The following ROBO2 variants were observed in gnomAD, a reference collection of about 807,000 sequenced individuals.
ROBO2 encodes the protein roundabout homolog 2.
ROBO2 carries 53 observed loss-of-function variants against 160.8 expected under a neutral mutation model. That is an observed-to-expected ratio of 0.33 (90% CI 0.26 to 0.41). ROBO2 has a LOEUF of 0.41. Among genes scored for constraint, ROBO2 ranks in the 10% least tolerant of loss-of-function variants. The pLI is 1.00. For missense variants in ROBO2, 1,577 were observed against 1,722.4 expected (o/e 0.92, Z 1.49); for synonymous variants, 664 against 611.7 (o/e 1.09, Z -1.26).
chr3:76,076,976 CA>C (rs1281987517), intron 2 of ROBO2, among the ~76,000 whole-genome samples: 3 of 152,120 alleles, frequency 2.0e-5, no homozygotes, highest in Non-Finnish European at 4.4e-5. Context: ...GAGTATTGGC[CA>C]GTATTTTTCT....
chr3:76,367,286 A>T (rs899080000), intron 2 of ROBO2, among the ~76,000 whole-genome samples: 1 of 152,034 alleles, frequency 6.6e-6, no homozygotes, highest in Admixed American at 6.6e-5. Context: ...CTATTGAGAG[A>T]TGTTTACAAA....
chr3:76,701,357 G>C (rs889037797), intron 2 of ROBO2, among the ~76,000 whole-genome samples: 1 of 152,048 alleles, frequency 6.6e-6, no homozygotes, highest in African/African-American at 2.4e-5. Context: ...GCTTTTCAAA[G>C]TTAAGTATAT....
At chr3:76,997,717 T>C (rs1267355115) in intron 2 of ROBO2, among the ~76,000 whole-genome samples, 2 of 152,318 alleles carry the variant, frequency 1.3e-5, no homozygotes, top group African/African-American at 4.8e-5. Flanking sequence ...GTATCCTCAC[T>C]GGGCATATCA....
intron 2 of ROBO2, among the ~76,000 whole-genome samples, chr3:76,957,465 A>T (rs2079352319): frequency 6.6e-6 from 1 of 152,114 alleles, no homozygotes; most frequent in Non-Finnish European, 1.5e-5. Context: ...CTTCACAAAC[A>T]TTCAATAGTA....
chr3:76,853,580 G>T (rs897149835), intron 2 of ROBO2, among the ~76,000 whole-genome samples: 1 of 152,046 alleles, frequency 6.6e-6, no homozygotes, highest in Non-Finnish European at 1.5e-5. Context: ...ACTTTTGGGT[G>T]GAGATAACCT....
intron 1 of ROBO2, among the ~76,000 whole-genome samples, chr3:77,074,500 A>G (rs559202279): frequency 3.9e-5 from 6 of 152,312 alleles, no homozygotes; most frequent in Non-Finnish European, 8.8e-5. Flanking sequence ...TTTCTAACAC[A>G]TTAGGGAATC....
intron 1 of ROBO2, among the ~76,000 whole-genome samples, chr3:77,063,757 C>T (rs1012436431): frequency 2.0e-5 from 3 of 152,152 alleles, no homozygotes; most frequent in East Asian, 3.8e-4. Context: ...TTTAATTCAG[C>T]TCTTCTTTCT....
In ROBO2 at chr3:76,122,406, G is replaced by A. The variant is rs1903733; in HGVS notation, c.109+184804G>A. Among the ~76,000 whole-genome samples the A allele has an allele frequency of 1.6e-3, 241 of 152,112 alleles. 1 individual carries two copies. Among genetic ancestry groups the A allele is most frequent in the African/African-American group, 4.5e-3 (187 of 41,542 alleles). ...TCTTGATATTTTTCAGTCTTGAATA[G>A]GATTTTTCTGTGACTCAAGGAGAGA... On this transcript the variant is annotated intron_variant, in intron 2 of 26. Transcript: ENST00000487694.
chr3:76,111,486 G>A (rs753176858), intron 2 of ROBO2, among the ~76,000 whole-genome samples: 10 of 151,932 alleles, frequency 6.6e-5, no homozygotes, highest in Admixed American at 1.3e-4. Flanking sequence ...AAATGAAGAC[G>A]CCTGGCATTG....
At chr3:77,365,829 T>C (rs2153472734) in intron 2 of ROBO2, among the ~76,000 whole-genome samples, 1 of 142,056 alleles carries the variant, frequency 7.0e-6, no homozygotes, top group East Asian at 2.4e-4. Context: ...GAAATGCAGA[T>C]GTGAATGGAA....
At position 76,046,946 on chromosome 3, in the gene ROBO2, T is replaced by C. The variant is rs545069011; in HGVS notation, c.109+109344T>C. ...AGTATCCATTTGTTCATTGACCACATTTCTGACACCATCTTGCTTCCCTAT... is the reference window on the plus strand; with the variant it reads ...AGTATCCATTTGTTCATTGACCACACTTCTGACACCATCTTGCTTCCCTAT... On this transcript the variant is annotated intron_variant, in intron 2 of 26. Transcript: ENST00000487694. 2.0e-5 allele frequency among the ~76,000 whole-genome samples: 3 copies of C among 152,324 alleles called. No individual in the cohort carries two copies. In the East Asian group the frequency reaches 5.8e-4, roughly 29 times the overall value.
chr3:76,574,530 T>C (rs534573355), intron 2 of ROBO2, among the ~76,000 whole-genome samples: 2 of 152,260 alleles, frequency 1.3e-5, no homozygotes, highest in African/African-American at 4.8e-5. Flanking sequence ...TTAATATTGA[T>C]TGCCAAGAAC....
chr3:76,457,647 C>G (rs1577334259), intron 2 of ROBO2, among the ~76,000 whole-genome samples: 1 of 152,208 alleles, frequency 6.6e-6, no homozygotes, highest in African/African-American at 2.4e-5. Context: ...CCCACATTTC[C>G]CTTCCACACT....
At chr3:76,705,272 C>A (rs1002151059) in intron 2 of ROBO2, among the ~76,000 whole-genome samples, 2 of 151,958 alleles carry the variant, frequency 1.3e-5, no homozygotes, top group Non-Finnish European at 2.9e-5. Context: ...ACAATATATC[C>A]CAGTTGCCTA....
At chr3:76,886,397 T>TAA (rs113249255) in intron 2 of ROBO2, among the ~76,000 whole-genome samples, 6,392 of 145,774 alleles carry the variant, frequency 0.044, 201 homozygotes, top group South Asian at 0.16. Context: ...CCTTTTAACT[T>TAA]AAAAAAAAAA....
At chr3:77,445,891 G>A (rs983268446) in intron 2 of ROBO2, among the ~76,000 whole-genome samples, 8 of 146,962 alleles carry the variant, frequency 5.4e-5, no homozygotes, top group Non-Finnish European at 8.9e-5. Context: ...CTAGTATACT[G>A]TACAGGTGAA....
chr3:76,748,598 G>A (rs2093930609), intron 2 of ROBO2, among the ~76,000 whole-genome samples: 1 of 151,538 alleles, frequency 6.6e-6, no homozygotes, highest in Admixed American at 6.6e-5. Context: ...TTATTAATAT[G>A]GAAGTAATTT....
At chr3:76,349,040 G>A (rs1401616314) in intron 2 of ROBO2, among the ~76,000 whole-genome samples, 5 of 152,040 alleles carry the variant, frequency 3.3e-5, no homozygotes, top group Admixed American at 3.3e-4. Context: ...CTAGTTCCTA[G>A]GGGCCTTCTG....
Position 76,037,182 on chromosome 3 carries a change from A to T in ROBO2, c.109+99580A>T, listed in dbSNP as rs923540056. On this transcript the variant is annotated intron_variant, in intron 2 of 26. Coordinates refer to the ROBO2 transcript ENST00000487694. The stretch of plus-strand genomic sequence containing the variant: ...TTACTCATCTGCATCATCCTGATAC[A>T]TATTCCTATGTTGCCCATACTGTAT... 2.0e-5 allele frequency among the ~76,000 whole-genome samples: 3 copies of T among 151,936 alleles called. No homozygotes were observed. The East Asian group carries it at 5.8e-4, about 29-fold the overall frequency.
Sources: gnomAD v4.1 joint callset for allele counts (sites outside exome capture counted in the v4.1 genomes callset) on GRCh38, gnomAD v4.1.1 for gene constraint, MANE v1.5 for transcripts, NCBI Gene and HGNC (gene_info 2026-07-23, HGNC 2026-07-21) for gene names.